LYST: variants seen among roughly 807,000 people sequenced by gnomAD.
LYST encodes the protein lysosomal trafficking regulator.
A neutral mutation model predicts 413.6 loss-of-function variants in LYST; 192 were observed. The observed-to-expected ratio is 0.46, with a 90% CI of 0.41 to 0.52. LYST has a LOEUF of 0.52. Ranked by LOEUF, LYST falls within the 20% of genes least tolerant of loss-of-function variation. The probability of loss-of-function intolerance (pLI) is 0.00; values close to 1 mark genes in which losing one functional copy is unlikely to be tolerated. For synonymous variants in LYST, 1,525 were observed against 1,567.3 expected (o/e 0.97, Z 0.64); for missense variants, 3,815 against 4,499.9 (o/e 0.85, Z 4.35).
chr1:235,793,520 C>T lies in LYST; in HGVS notation c.4099G>A (p.Glu1367Lys), dbSNP rs541069550. Residue 1367 changes from glutamate (E) to lysine (K), a missense_variant, in exon 11 of 53, where the codon GAG (glutamate) becomes AAG (lysine). By Grantham distance (56) the Glu-to-Lys change is moderately conservative. Around this residue, in one of 4 missense-constraint regions of LYST, gnomAD observed 1,648 missense variants for 1,810.3 expected, o/e 0.91. Transcript: ENST00000389793. The stretch of plus-strand genomic sequence containing the variant: ...ATATTTACTGTACAAGGAGATTTCT[C>T]CAGAAATATTCTCAAAAGAAGGGTT... ...ELTLLLRIFL[E>K]KSPCTKILLL... 4 of 1,552,812 alleles carry T rather than the reference C, an allele frequency of 2.6e-6. No homozygotes were observed. In the Admixed American group the frequency reaches 6.8e-5, roughly 26 times the overall value.
Position 235,818,067 on chromosome 1 carries a change from GATT to G in LYST, c.193-5009_193-5007del, listed in dbSNP as rs991145453. 2.5e-4 allele frequency among the ~76,000 whole-genome samples: 38 copies of G among 152,100 alleles called. 1 individual carries two copies. In the South Asian group the frequency reaches 6.0e-3, roughly 24 times the overall value. On this transcript the variant is annotated intron_variant, in intron 3 of 52. Transcript: ENST00000389793. ...TCTTTCCAGAAATTTGTCATTTCAT[GATT>G]ATTTTTGTCACTTCATGATTATAAT...
chr1:235,745,880 G>T (rs964305114), intron 29 of LYST, among the ~76,000 whole-genome samples: 5 of 152,168 alleles, frequency 3.3e-5, no homozygotes, highest in Non-Finnish European at 4.4e-5. Flanking sequence ...GGGCTGAGTG[G>T]CTGGGGGTGA....
intron 27 of LYST, 29 bp downstream of exon 27, chr1:235,751,976 T>C: frequency 2.0e-6 from 3 of 1,534,568 alleles, no homozygotes; most frequent in Non-Finnish European, 2.7e-6. Flanking sequence ...TACAACTCCC[T>C]CCCCAAATTC....
At chr1:235,808,401 A>T (rs930461179) in intron 5 of LYST, 54 bp downstream of exon 5, 1 of 1,550,752 alleles carries the variant, frequency 6.4e-7, no homozygotes, top group African/African-American at 1.4e-5. Flanking sequence ...AATGAAAAAG[A>T]TCTAGACATG....
intron 12 of LYST, among the ~76,000 whole-genome samples, chr1:235,791,192 G>A (rs1176792131): frequency 6.6e-6 from 1 of 152,124 alleles, no homozygotes; most frequent in Non-Finnish European, 1.5e-5. Flanking sequence ...TGAGGCAGGA[G>A]AATCGCTTGA....
At chr1:235,878,214 G>A (rs368254612) in intron 1 of LYST, among the ~76,000 whole-genome samples, 14 of 152,100 alleles carry the variant, frequency 9.2e-5, no homozygotes, top group South Asian at 4.1e-4. Flanking sequence ...AGGTGAGCTC[G>A]GCCTTCAGCT....
chr1:235,724,778 T>C (rs1407657661), intron 38 of LYST, among the ~76,000 whole-genome samples: 3 of 152,250 alleles, frequency 2.0e-5, no homozygotes, highest in Admixed American at 6.5e-5. Flanking sequence ...ATACAGTATA[T>C]AGCCTTTTAA....
chr1:235,819,600 C>G (rs574314495), intron 3 of LYST, among the ~76,000 whole-genome samples: 1 of 152,270 alleles, frequency 6.6e-6, no homozygotes, highest in South Asian at 2.1e-4. Flanking sequence ...TCTAGACCAC[C>G]CAATCAAGAG....
Position 235,809,696 on chromosome 1 carries a change from A to C in LYST, c.1122T>G (p.Phe374Leu), listed in dbSNP as rs112280438. Residue 374 changes from phenylalanine to leucine, a missense_variant, in exon 5 of 53, where the codon TTT becomes TTG. Physicochemically the swap from Phe to Leu is conservative, Grantham distance 22. Transcript: ENST00000389793. The surrounding 1 kb of genome is among the most constrained non-coding windows in gnomAD (Gnocchi z 4.0). ...GCAGTGTTTTCTTTTGTCTTGGTGC[A>C]AAAGGGTCAGGCTGCTTTTCTAGGC... The part of the protein sequence containing the change: ...RICLEKQPDP[F>L]APRQKKTLQE... 15 of 1,613,584 alleles carry C rather than the reference A, an allele frequency of 9.3e-6. No individual in the cohort carries two copies. Among genetic ancestry groups the C allele is most frequent in the Non-Finnish European group, 1.3e-5 (15 of 1,179,858 alleles).
At chr1:235,762,570 C>A in intron 22 of LYST, 150 bp downstream of exon 22, 1 of 721,126 alleles carries the variant, frequency 1.4e-6, no homozygotes, top group Non-Finnish European at 2.4e-6. Context: ...CATCCATTTT[C>A]TCAATGCTCT....
In LYST at chr1:235,781,061, T is replaced by C. The variant is rs1412560864; in HGVS notation, c.5024-6A>G. 1.9e-6 allele frequency: 3 copies of C among 1,592,924 alleles called. No individual in the cohort carries two copies. Among genetic ancestry groups the C allele is most frequent in the Non-Finnish European group, 2.6e-6 (3 of 1,162,406 alleles). On this transcript the variant is annotated splice_polypyrimidine_tract_variant and splice_region_variant and intron_variant, in intron 15 of 52. Transcript: ENST00000389793. ...TTGTGAACCAACCTTAGCTCCTGAA[T>C]AGCAGAAAAATAAAGTTAGTTATTT...
chr1:235,864,082 C>T (rs778115761), intron 1 of LYST, among the ~76,000 whole-genome samples: 3 of 152,086 alleles, frequency 2.0e-5, no homozygotes, highest in Non-Finnish European at 4.4e-5. Flanking sequence ...TCCCCCTTAT[C>T]CCTGATGTTT....
chr1:235,711,298 G>A (rs1662385730), intron 43 of LYST, among the ~76,000 whole-genome samples: 1 of 150,762 alleles, frequency 6.6e-6, no homozygotes, highest in South Asian at 2.1e-4. Context: ...TTTGACTGAG[G>A]CATTTCTCAC....
chr1:235,702,786 G>C lies in LYST; in HGVS notation c.10335C>G (p.Phe3445Leu), dbSNP rs898884808. 3.7e-6 allele frequency: 6 copies of C among 1,614,046 alleles called. No homozygotes were observed. The highest frequency in any genetic ancestry group is 1.3e-5 in the African/African-American group (1 of 74,920). The change falls in exon 45 of 53, where the codon TTC becomes TTG. Residue 3445 changes from phenylalanine to leucine, a missense_variant. Physicochemically the swap from Phe to Leu is conservative, Grantham distance 22. This residue lies in a region of LYST where 866 missense variants were observed against 1,156.0 expected (regional missense o/e 0.75). Transcript: ENST00000389793. ...CTTTGACCTGTTCTCGGGTCTCCCT[G>C]AAAGCAAACTGCACTAGCAACCCCA... ...AAVGLLVQFA[F>L]RETREQVKEI...
chr1:235,799,587 C>T lies in LYST; in HGVS notation c.4006+733G>A, dbSNP rs374213434. Among the ~76,000 whole-genome samples, 6 of 152,124 alleles carry T rather than the reference C, an allele frequency of 3.9e-5. No homozygotes were observed. In the South Asian group the frequency reaches 6.2e-4, roughly 16 times the overall value. On this transcript the variant is annotated intron_variant, in intron 10 of 52. Coordinates refer to ENST00000389793, the MANE Select transcript of LYST (RefSeq NM_000081.4). ...ATCATACAAACCAAAATTAAAGTCT[C>T]GTGTAGGCTAGCCTTAATTCTCCAA...
intron 38 of LYST, among the ~76,000 whole-genome samples, chr1:235,725,929 C>T (rs1052587989): frequency 1.8e-4 from 27 of 152,096 alleles, no homozygotes; most frequent in Middle Eastern, 3.4e-3. Context: ...TCACTAGGTC[C>T]CTCCCAAAGT....
intron 43 of LYST, among the ~76,000 whole-genome samples, chr1:235,710,098 T>C (rs931469861): frequency 6.6e-6 from 1 of 152,228 alleles, no homozygotes; most frequent in Non-Finnish European, 1.5e-5. Flanking sequence ...AAAAATGACC[T>C]TTTAAAAGCT....
intron 10 of LYST, among the ~76,000 whole-genome samples, chr1:235,796,777 T>A (rs531839350): frequency 1.5e-4 from 23 of 152,348 alleles, no homozygotes; most frequent in African/African-American, 5.5e-4. Flanking sequence ...ACTTTCAGTC[T>A]CCAGAACTGT....
intron 1 of LYST, among the ~76,000 whole-genome samples, chr1:235,876,392 C>T (rs969804574): frequency 5.9e-5 from 9 of 152,176 alleles, no homozygotes; most frequent in African/African-American, 1.4e-4. Context: ...CTCAAATACA[C>T]TTTGAGTTTA....
Sources: gnomAD v4.1 joint callset for allele counts (sites outside exome capture counted in the v4.1 genomes callset) on GRCh38, gnomAD v4.1.1 for gene constraint, gnomAD v4.1.1 regional missense constraint, Gnocchi (gnomAD v3.1) non-coding constraint, MANE v1.5 for transcripts, NCBI Gene and HGNC (gene_info 2026-07-23, HGNC 2026-07-21) for gene names.